The following GRIK2 variants were observed in gnomAD, a reference collection of about 807,000 sequenced individuals.
GRIK2 encodes the protein glutamate ionotropic receptor kainate type subunit 2, also known as glutamate receptor ionotropic, kainate 2.
GRIK2 carries 32 observed loss-of-function variants against 100.3 expected under a neutral mutation model. The ratio of observed to expected loss-of-function variants is 0.32; its 90% CI spans 0.24 to 0.43. The LOEUF (loss-of-function observed/expected upper bound fraction) is 0.43. Ranked by LOEUF, GRIK2 falls within the 20% of genes least tolerant of loss-of-function variation. GRIK2 has a pLI of 1.00. For missense variants in GRIK2, 843 were observed against 1,114.9 expected, an observed-to-expected ratio of 0.76 and a Z score of 3.47; for synonymous variants, 417 against 389.4, an observed-to-expected ratio of 1.07 and a Z score of -0.83.
In GRIK2 at chr6:101,897,136, A is replaced by C. The variant is rs146071385; in HGVS notation, c.1748+7273A>C. Among the ~76,000 whole-genome samples, 1,201 of 151,782 alleles carry C rather than the reference A, an allele frequency of 7.9e-3. 19 individuals carry two copies. Among genetic ancestry groups the C allele is most frequent in the African/African-American group, 0.027 (1,137 of 41,488 alleles). On this transcript the variant is annotated intron_variant, in intron 12 of 16. Transcript: ENST00000369134. Reference sequence around the variant, plus strand: ...GTAGTGGGTTCTTTGGCAGTTACTAATGTGTCTTTTATACATTTCTCACTA... The same window carrying C: ...GTAGTGGGTTCTTTGGCAGTTACTACTGTGTCTTTTATACATTTCTCACTA...
chr6:101,758,422 A>G (rs781744298), intron 7 of GRIK2, among the ~76,000 whole-genome samples: 2 of 152,192 alleles, frequency 1.3e-5, no homozygotes, highest in Non-Finnish European at 2.9e-5. Flanking sequence ...TAGTTTATGT[A>G]ATTCAAAGCA....
At chr6:101,441,861 C>T (rs1291661064) in intron 2 of GRIK2, among the ~76,000 whole-genome samples, 1 of 151,878 alleles carries the variant, frequency 6.6e-6, no homozygotes, top group African/African-American at 2.4e-5. Flanking sequence ...GTTTAGCTTC[C>T]ACTTTATTTT....
intron 10 of GRIK2, among the ~76,000 whole-genome samples, chr6:101,841,053 T>C (rs567449484): frequency 2.0e-5 from 3 of 152,306 alleles, no homozygotes; most frequent in African/African-American, 7.2e-5. Context: ...TTGTATTTGC[T>C]GTTTTTAACT....
At chr6:101,874,827 G>T (rs1785702199) in intron 11 of GRIK2, among the ~76,000 whole-genome samples, 2 of 152,120 alleles carry the variant, frequency 1.3e-5, no homozygotes, top group South Asian at 4.1e-4. Context: ...CTTGTAAGTT[G>T]GATTCCTCAG....
At chr6:101,561,144 C>A (rs1466632603) in intron 2 of GRIK2, among the ~76,000 whole-genome samples, 1 of 152,078 alleles carries the variant, frequency 6.6e-6, no homozygotes, top group Non-Finnish European at 1.5e-5. Flanking sequence ...TAAAAAAAGT[C>A]TCTTAGGAAG....
At chr6:101,991,482 T>A (rs1479868190) in intron 14 of GRIK2, among the ~76,000 whole-genome samples, 3 of 151,092 alleles carry the variant, frequency 2.0e-5, no homozygotes, top group African/African-American at 7.3e-5. Context: ...GAAGTGTTTG[T>A]TGTATAGCTT....
chr6:101,739,981 C>T (rs571669565), intron 7 of GRIK2, among the ~76,000 whole-genome samples: 40 of 152,278 alleles, frequency 2.6e-4, no homozygotes, highest in Middle Eastern at 3.4e-3. Context: ...AGTTGCTCAC[C>T]TATGAAATGC....
intron 2 of GRIK2, among the ~76,000 whole-genome samples, chr6:101,434,320 A>G (rs939320508): frequency 2.6e-5 from 4 of 152,282 alleles, no homozygotes; most frequent in East Asian, 3.9e-4. Context: ...CTGAGAGATG[A>G]GTTCTCATAC....
intron 2 of GRIK2, among the ~76,000 whole-genome samples, chr6:101,515,207 C>T (rs1774524563): frequency 6.6e-6 from 1 of 152,050 alleles, no homozygotes; most frequent in Admixed American, 6.6e-5. Flanking sequence ...TCTCATCCAG[C>T]TCACTGTAAA....
intron 2 of GRIK2, among the ~76,000 whole-genome samples, chr6:101,557,441 C>T (rs1200600187): frequency 6.6e-6 from 1 of 152,142 alleles, no homozygotes; most frequent in Non-Finnish European, 1.5e-5. Context: ...GTTTTGTTAA[C>T]TAAACACCTA....
chr6:101,514,138 G>C (rs2128279111), intron 2 of GRIK2, among the ~76,000 whole-genome samples: 1 of 152,226 alleles, frequency 6.6e-6, no homozygotes, highest in Non-Finnish European at 1.5e-5. Context: ...AGTTCAATTG[G>C]GGAAGGATAA....
chr6:102,067,132 G>C (rs1002300278), intron 16 of GRIK2, among the ~76,000 whole-genome samples: 2 of 151,614 alleles, frequency 1.3e-5, no homozygotes, highest in African/African-American at 4.8e-5. Context: ...GTATTTTTAA[G>C]TTAACATATA....
intron 2 of GRIK2, among the ~76,000 whole-genome samples, chr6:101,542,213 G>A (rs1776030335): frequency 6.6e-6 from 1 of 151,744 alleles, no homozygotes; most frequent in Admixed American, 6.6e-5. Flanking sequence ...TTTATAATGA[G>A]CTTTGAGAGA....
At position 101,440,897 on chromosome 6, in the gene GRIK2, T is replaced by G. The variant is rs898936657; in HGVS notation, c.115+41505T>G. Among the ~76,000 whole-genome samples the G allele has an allele frequency of 6.6e-5, 10 of 151,984 alleles. 1 individual carries two copies. Among genetic ancestry groups the G allele is most frequent in the Admixed American group, 2.0e-4 (3 of 15,238 alleles). On this transcript the variant is annotated intron_variant, in intron 2 of 16. Coordinates refer to ENST00000369134, the MANE Select transcript of GRIK2 (RefSeq NM_021956.5). ...AGAAAGAAATGCTTTTTTGTTTTTT[T>G]TTTTTGTTTTTTGTTTACTGAAGAT...
intron 14 of GRIK2, among the ~76,000 whole-genome samples, chr6:102,021,637 T>G (rs1400790754): frequency 6.6e-6 from 1 of 151,656 alleles, no homozygotes; most frequent in African/African-American, 2.4e-5. Flanking sequence ...TATTAGTATT[T>G]TTTCAGACTC....
chr6:101,684,347 T>C (rs1234583602), intron 6 of GRIK2, among the ~76,000 whole-genome samples: 1 of 152,192 alleles, frequency 6.6e-6, no homozygotes, highest in Non-Finnish European at 1.5e-5. Flanking sequence ...AGGCCTACAT[T>C]TGAAGGCCTT....
intron 14 of GRIK2, among the ~76,000 whole-genome samples, chr6:101,978,368 T>C (rs1793524536): frequency 6.6e-6 from 1 of 152,038 alleles, no homozygotes; most frequent in Admixed American, 6.6e-5. Context: ...TCTGGAACTT[T>C]AAAAATGGCA....
intron 14 of GRIK2, among the ~76,000 whole-genome samples, chr6:102,006,499 G>A (rs1795248395): frequency 6.7e-6 from 1 of 150,252 alleles, no homozygotes; most frequent in Non-Finnish European, 1.5e-5. Flanking sequence ...CTCTTGAGTA[G>A]CTGGACTACA....
At chr6:101,924,363 CTAA>C (rs1224212988) in intron 12 of GRIK2, among the ~76,000 whole-genome samples, 2 of 152,110 alleles carry the variant, frequency 1.3e-5, no homozygotes, top group Non-Finnish European at 2.9e-5. Flanking sequence ...AGATTTTCCT[CTAA>C]CAAATAATGT....
Sources: gnomAD v4.1 joint callset for allele counts (sites outside exome capture counted in the v4.1 genomes callset) on GRCh38, gnomAD v4.1.1 for gene constraint, MANE v1.5 for transcripts, NCBI Gene and HGNC (gene_info 2026-07-23, HGNC 2026-07-21) for gene names.